PEX14: variants seen among roughly 807,000 people sequenced by gnomAD.
PEX14 encodes the protein peroxisomal membrane protein PEX14.
Under a neutral mutation model 49.5 loss-of-function variants are expected in PEX14, and 15 were observed. That is an observed-to-expected ratio of 0.30 (90% confidence interval 0.20 to 0.47). PEX14 has a LOEUF of 0.47. Among genes scored for constraint, PEX14 ranks in the 20% least tolerant of loss-of-function variants. The pLI is 1.00. For missense variants in PEX14, 398 were observed against 494.8 expected (o/e 0.80, Z 1.86); for synonymous variants, 210 against 212.7 (o/e 0.99, Z 0.11).
intron 3 of PEX14, among the ~76,000 whole-genome samples, chr1:10,575,032 A>T (rs1279116467): frequency 6.6e-6 from 1 of 151,770 alleles, no homozygotes; most frequent in Non-Finnish European, 1.5e-5. Flanking sequence ...GGGTAGCTTG[A>T]GCTGCACTCC....
rs1025619033 is a variant in PEX14 at position 10,481,262 on chromosome 1, C to G, written c.36+6260C>G. On this transcript the variant is annotated intron_variant, in intron 1 of 8. Transcript: ENST00000356607. ...AAGCAATTCTCCTGTCTCAGCTTCC[C>G]AAGTAGCTGGAATTACAGGTGCCCG... Among the ~76,000 whole-genome samples, 4 of 151,592 alleles carry G rather than the reference C, an allele frequency of 2.6e-5. No individual in the cohort carries two copies. The East Asian group carries it at 7.7e-4, about 29-fold the overall frequency.
chr1:10,616,844 C>A (rs191359551), intron 4 of PEX14: 1 of 151,994 alleles, frequency 6.6e-6, no homozygotes, highest in Non-Finnish European at 1.5e-5. Context: ...CGGCCGGGCG[C>A]GGTGCTGCTC....
chr1:10,505,435 A>C (rs1349579585), intron 2 of PEX14, among the ~76,000 whole-genome samples: 1 of 152,150 alleles, frequency 6.6e-6, no homozygotes, highest in East Asian at 1.9e-4. Flanking sequence ...ACAGAGCGAG[A>C]CCTGTCTCAA....
At chr1:10,619,853 C>A (rs1276145928) in intron 5 of PEX14, among the ~76,000 whole-genome samples, 6 of 152,148 alleles carry the variant, frequency 3.9e-5, no homozygotes, top group African/African-American at 9.7e-5. Flanking sequence ...CGCCTGTAAT[C>A]CCAGCACTTT....
intron 2 of PEX14, among the ~76,000 whole-genome samples, chr1:10,498,734 A>G (rs1374851473): frequency 1.3e-5 from 2 of 152,240 alleles, no homozygotes; most frequent in Non-Finnish European, 2.9e-5. Flanking sequence ...CAGTCTTGAG[A>G]AATTCTGCAA....
At chr1:10,602,407 G>A (rs76369603) in intron 4 of PEX14, among the ~76,000 whole-genome samples, 1 of 151,014 alleles carries the variant, frequency 6.6e-6, no homozygotes, top group African/African-American at 2.4e-5. Context: ...TTTGCCAAGA[G>A]GTGTCAAAAC....
intron 3 of PEX14, among the ~76,000 whole-genome samples, chr1:10,537,341 A>C (rs140751181): frequency 0.089 from 2,496 of 27,940 alleles, 5 homozygotes; most frequent in Admixed American, 0.11. Flanking sequence ...TTGTGCCAGC[A>C]CCCCCCCCCC....
At chr1:10,505,027 T>G (rs1641757385) in intron 2 of PEX14, among the ~76,000 whole-genome samples, 1 of 152,036 alleles carries the variant, frequency 6.6e-6, no homozygotes, top group Admixed American at 6.5e-5. Context: ...CTCAAGTGAT[T>G]TGCCCACCTT....
intron 4 of PEX14, among the ~76,000 whole-genome samples, chr1:10,608,721 A>G (rs1345492093): frequency 1.3e-5 from 2 of 151,620 alleles, no homozygotes; most frequent in Non-Finnish European, 2.9e-5. Flanking sequence ...CTGTTTCTAG[A>G]TTCCTCTTTT....
intron 2 of PEX14, among the ~76,000 whole-genome samples, chr1:10,509,061 C>T (rs944822912): frequency 2.0e-5 from 3 of 152,142 alleles, no homozygotes; most frequent in African/African-American, 7.2e-5. Context: ...CTCAGCCTCC[C>T]GAGTAGCTGG....
At chr1:10,626,683 C>T (rs974290108) in intron 7 of PEX14, among the ~76,000 whole-genome samples, 4 of 152,216 alleles carry the variant, frequency 2.6e-5, no homozygotes, top group South Asian at 2.1e-4. Context: ...TCAGCCTGGG[C>T]GAGGTAGACC....
rs56306413 is a variant in PEX14 at position 10,514,156 on chromosome 1, CTGTGTG to C, written c.84+18873_84+18878del. Among the ~76,000 whole-genome samples, 11,051 of 143,244 alleles carry C rather than the reference CTGTGTG, an allele frequency of 0.077. 933 individuals are homozygous for C. Among genetic ancestry groups the C allele is most frequent in the African/African-American group, 0.21 (8,370 of 39,424 alleles). 94.0% of individuals were successfully genotyped at this position (143,244 alleles called of 152,430 possible). ...AAAATGTATAAAATAATCTATGCCT[CTGTGTG>C]TGTGTGTGTGTGTGTGTGTGTGTGT... is the stretch of plus-strand genomic sequence containing the variant. On this transcript the variant is annotated intron_variant, in intron 2 of 8. Coordinates refer to ENST00000356607, the MANE Select transcript of PEX14 (RefSeq NM_004565.3). This position sits in a 1 kb window ranked among gnomAD's most constrained non-coding sequence, Gnocchi z 4.4.
chr1:10,533,748 A>G (rs1163934485), intron 2 of PEX14, among the ~76,000 whole-genome samples: 2 of 152,200 alleles, frequency 1.3e-5, no homozygotes, highest in African/African-American at 4.8e-5. Flanking sequence ...GCTATTATGT[A>G]TTTTTAAGCC....
At chr1:10,563,574 G>A (rs559313758) in intron 3 of PEX14, among the ~76,000 whole-genome samples, 11 of 151,916 alleles carry the variant, frequency 7.2e-5, no homozygotes, top group African/African-American at 2.4e-4. Flanking sequence ...GCTGTGAGCC[G>A]AGATCGTGCC....
intron 2 of PEX14, among the ~76,000 whole-genome samples, chr1:10,532,061 A>G (rs1449174530): frequency 6.6e-6 from 1 of 152,222 alleles, no homozygotes; most frequent in Non-Finnish European, 1.5e-5. Flanking sequence ...ACCCCTGAGT[A>G]TACTGTATTC....
intron 4 of PEX14, among the ~76,000 whole-genome samples, chr1:10,604,489 G>A (rs1641073446): frequency 6.6e-6 from 1 of 152,078 alleles, no homozygotes; most frequent in African/African-American, 2.4e-5. Flanking sequence ...GCCAGGCATG[G>A]TGGTGCGTGT....
intron 4 of PEX14, among the ~76,000 whole-genome samples, chr1:10,604,911 C>T (rs758498356): frequency 3.3e-5 from 5 of 152,054 alleles, no homozygotes; most frequent in Non-Finnish European, 5.9e-5. Flanking sequence ...GTTCTTGTGC[C>T]GAGCCTGTAG....
At chr1:10,491,484 G>GAGCCTCCTTCCCC (rs201047998) in intron 1 of PEX14, among the ~76,000 whole-genome samples, 3,995 of 150,710 alleles carry the variant, frequency 0.027, 189 homozygotes, top group African/African-American at 0.089. Context: ...GGGATCAAGC[G>GAGCCTCCTTCCCC]AGCCTCCTGA....
At chr1:10,581,507 T>G in intron 3 of PEX14, among the ~76,000 whole-genome samples, 1 of 151,552 alleles carries the variant, frequency 6.6e-6, no homozygotes, top group Non-Finnish European at 1.5e-5. Flanking sequence ...GATTTCACCA[T>G]CTTGGCCAGG....
Sources: gnomAD v4.1 joint callset for allele counts (sites outside exome capture counted in the v4.1 genomes callset) on GRCh38, gnomAD v4.1.1 for gene constraint, Gnocchi (gnomAD v3.1) non-coding constraint, MANE v1.5 for transcripts, NCBI Gene and HGNC (gene_info 2026-07-23, HGNC 2026-07-21) for gene names.